RPS7: variants seen among roughly 807,000 people sequenced by gnomAD.
RPS7 encodes the protein small ribosomal subunit protein eS7.
A neutral mutation model predicts 22.1 loss-of-function variants in RPS7; 1 was observed. The ratio of observed to expected loss-of-function variants is 0.05; its 90% CI spans 0.02 to 0.21. The LOEUF is 0.21. Among genes scored for constraint, RPS7 ranks in the 10% least tolerant of loss-of-function variants. The pLI, the probability that RPS7 is intolerant of heterozygous loss-of-function variation, is 1.00. For synonymous variants in RPS7, 80 were observed against 92.0 expected (o/e 0.87, Z 0.74); for missense variants, 137 against 246.4 (o/e 0.56, Z 2.97).
At chr2:3,576,896 G>A (rs1172857381) in intron 4 of RPS7, 21 of 492,186 alleles carry the variant, frequency 4.3e-5, no homozygotes, top group Non-Finnish European at 3.7e-6. Context: ...GTTTTAAAAA[G>A]AAAGATAAAG....
At chr2:3,575,471 G>T (rs1661253086) in intron 1 of RPS7, 121 bp downstream of exon 1, 3 of 698,924 alleles carry the variant, frequency 4.3e-6, no homozygotes, top group Admixed American at 2.3e-5. Flanking sequence ...CCGATTACCC[G>T]CCCTGTGCTT....
chr2:3,578,952 A>G (rs1374251293), intron 5 of RPS7: 2 of 152,202 alleles, frequency 1.3e-5, no homozygotes, highest in African/African-American at 4.8e-5. Flanking sequence ...TAGTGATTCT[A>G]CCACTTTTCC....
intron 4 of RPS7, chr2:3,576,919 TTAAG>T (rs1243286950): frequency 4.7e-6 from 2 of 422,460 alleles, no homozygotes; most frequent in Non-Finnish European, 8.8e-6. Flanking sequence ...CGTTCTTTAA[TTAAG>T]AGTCGAAACA....
chr2:3,576,878 A>C, intron 4 of RPS7: 1 of 549,080 alleles, frequency 1.8e-6, no homozygotes, highest in Non-Finnish European at 3.3e-6. Flanking sequence ...AAAAAATAGA[A>C]AAAATAAGTT....
chr2:3,579,196 T>C (rs2147821797), intron 5 of RPS7: 1 of 152,356 alleles, frequency 6.6e-6, no homozygotes, highest in East Asian at 1.9e-4. Flanking sequence ...CCTAGTATTG[T>C]AAGAATATGC....
chr2:3,575,764 C>G, intron 2 of RPS7, 53 bp from the exon 3 acceptor site: 1 of 1,595,716 alleles, frequency 6.3e-7, no homozygotes, highest in African/African-American at 1.3e-5. Context: ...GTGTTGGGCC[C>G]GGGGTGCTCG....
At chr2:3,575,372 C>G (rs916211552) in intron 1 of RPS7, 22 bp downstream of exon 1, 2 of 559,584 alleles carry the variant, frequency 3.6e-6, no homozygotes, top group African/African-American at 2.0e-5. Flanking sequence ...GCCTGCTCTC[C>G]GACAGAACTT....
intron 6 of RPS7, chr2:3,580,478 G>GTAGACTC: frequency 1.5e-6 from 1 of 659,502 alleles, no homozygotes; most frequent in Non-Finnish European, 2.7e-6. Flanking sequence ...CCTTTTGGAA[G>GTAGACTC]TAGACTCTTT....
chr2:3,575,585 C>T lies in RPS7; in HGVS notation c.-18-7C>T. ...GGGCCGCGTAACGCTGACCGCTGTG[C>T]CTTCAGTTCTCCCAGGAGAAAGCCA... On this transcript the variant is annotated splice_polypyrimidine_tract_variant and splice_region_variant and intron_variant, in intron 1 of 6. Transcript: ENST00000645674. 6.2e-7 allele frequency: 1 copy of T among 1,602,308 alleles called. No homozygotes were observed. Among genetic ancestry groups the T allele is most frequent in the Non-Finnish European group, 8.5e-7 (1 of 1,171,830 alleles).
chr2:3,577,909 T>A (rs1661321443), intron 5 of RPS7, 135 bp downstream of exon 5: 11 of 671,664 alleles, frequency 1.6e-5, no homozygotes, highest in Admixed American at 1.0e-4. Context: ...CCTGTATAGT[T>A]GCACATGATA....
chr2:3,577,688 C>T (rs1200510678), intron 4 of RPS7, 22 bp from the exon 5 acceptor site: 2 of 1,574,696 alleles, frequency 1.3e-6, no homozygotes, highest in Non-Finnish European at 1.7e-6. Flanking sequence ...CATTTTGTTA[C>T]ATGATAATTT....
Position 3,580,264 on chromosome 2 carries a change from A to T in RPS7, c.507+4A>T. The stretch of plus-strand genomic sequence containing the variant: ...GCAGAACAATGTGGAACACAAGGTA[A>T]TAGGTCAACATTTTATCATGGAAAG... On this transcript the variant is annotated splice_donor_region_variant and intron_variant, in intron 6 of 6. Coordinates refer to ENST00000645674, the MANE Select transcript of RPS7 (RefSeq NM_001011.4). 4 of 1,613,524 alleles carry T rather than the reference A, an allele frequency of 2.5e-6. No individual in the cohort carries two copies. Among genetic ancestry groups the T allele is most frequent in the Non-Finnish European group, 3.4e-6 (4 of 1,179,562 alleles).
intron 2 of RPS7, 44 bp downstream of exon 2, chr2:3,575,728 G>A: frequency 6.3e-7 from 1 of 1,591,214 alleles, no homozygotes. Flanking sequence ...GAGGCGCCCC[G>A]CCCGGGAGGG....
At chr2:3,579,860 A>G in intron 5 of RPS7, 1 of 571,118 alleles carries the variant, frequency 1.8e-6, no homozygotes. Flanking sequence ...GTGAGTTTGT[A>G]GTTTATCCCA....
chr2:3,579,769 G>T lies in RPS7; in HGVS notation c.357-341G>T, dbSNP rs570634274. On this transcript the variant is annotated intron_variant, in intron 5 of 6. Transcript: ENST00000645674. ...TAAAGGTTATTGTAGTGATTTAGTT[G>T]AGAAATAATACAAGTGAAAATAAAG... 1.9e-4 allele frequency: 75 copies of T among 387,862 alleles called. 1 individual carries two copies. Among genetic ancestry groups the T allele is most frequent in the South Asian group, 1.6e-3 (65 of 40,562 alleles). 24.0% of individuals were successfully genotyped at this position (387,862 alleles called of 1,614,324 possible). A position where few individuals can be genotyped will look rare whatever the true frequency, so the allele number is the denominator to read the frequency against.
Position 3,580,736 on chromosome 2 carries a change from C to G in RPS7, c.508-69C>G, listed in dbSNP as rs535285909. 8 of 986,594 alleles carry G rather than the reference C, an allele frequency of 8.1e-6. No individual in the cohort carries two copies. The East Asian group carries it at 1.9e-4, about 24-fold the overall frequency. The allele number at this position is 986,594 out of a possible 1,614,324, so 61.1% of individuals were successfully genotyped here. ...AAAAACAATACAGGGCACAATTTCA[C>G]GAAACTATTAGGTTTTAAGCTGAGT... On this transcript the variant is annotated intron_variant, in intron 6 of 6. Transcript: ENST00000645674.
chr2:3,577,552 GGTTTGCTCA>G, intron 4 of RPS7, 149 bp from the exon 5 acceptor site: 1 of 648,720 alleles, frequency 1.5e-6, no homozygotes, highest in Non-Finnish European at 2.8e-6. Flanking sequence ...TCCATAGAAG[GGTTTGCTCA>G]GTCAATTGTT....
At position 3,575,662 on chromosome 2, in the gene RPS7, A is replaced by G; in HGVS notation, c.53A>G (p.Glu18Gly). 6.2e-7 allele frequency: 1 copy of G among 1,607,768 alleles called. No individual in the cohort carries two copies. The highest frequency in any genetic ancestry group is 8.5e-7 in the Non-Finnish European group (1 of 1,177,286). The change falls in exon 2 of 7, where the codon GAG (glutamate) becomes GGG (glycine). Residue 18 changes from glutamate to glycine, a missense_variant. Physicochemically the swap from Glu to Gly is moderately conservative, Grantham distance 98. Transcript: ENST00000645674. ...AAGCCCAATGGCGAGAAGCCGGACG[A>G]GTTCGAGTCCGGCATCTCCCAGGTG... ...IVKPNGEKPD[E>G]FESGISQALL...
chr2:3,576,674 G>C (rs1572358539), intron 4 of RPS7, 44 bp downstream of exon 4: 1 of 1,608,996 alleles, frequency 6.2e-7, no homozygotes, highest in African/African-American at 1.3e-5. Context: ...TGTGAATTTT[G>C]CTAAAATTGC....
Sources: allele counts gnomAD v4.1 joint callset, GRCh38; gene constraint gnomAD v4.1.1; transcripts MANE v1.5; gene names NCBI Gene and HGNC (gene_info 2026-07-23, HGNC 2026-07-21).